Variants in DOCK9 observed in about 807,000 individuals in gnomAD.
DOCK9 encodes dedicator of cytokinesis protein 9.
Under a neutral mutation model 263.3 loss-of-function variants are expected in DOCK9, and 89 were observed. The observed-to-expected ratio is 0.34, with a 90% confidence interval of 0.28 to 0.40. The LOEUF (loss-of-function observed/expected upper bound fraction) is 0.40, where lower values mean the gene tolerates loss of function less well. Ranked by LOEUF, DOCK9 falls within the 10% of genes least tolerant of loss-of-function variation. The pLI is 1.00. For missense variants in DOCK9, 2,140 were observed against 2,603.4 expected, an observed-to-expected ratio of 0.82 and a Z score of 3.87; for synonymous variants, 976 against 973.1, an observed-to-expected ratio of 1.00 and a Z score of -0.06.
In DOCK9 at chr13:98,824,452, G is replaced by C. The variant is rs375560755; in HGVS notation, c.5076C>G (p.Asp1692Glu). ...CGTCTTCCATCATGGAGGCCTCCTC[G>C]TCGATGTTTGGGGTAATGACCCTGA... ...TAFRVITPNI[D>E]EEASMMEDVG... Residue 1692 changes from aspartate to glutamate, a missense_variant, in exon 45 of 53, where the codon GAC becomes GAG. Physicochemically the swap from Asp to Glu is conservative, Grantham distance 45. Around this residue, in one of 2 missense-constraint regions of DOCK9, gnomAD observed 619 missense variants for 861.8 expected, o/e 0.72. Coordinates refer to ENST00000682017, the MANE Select transcript of DOCK9 (RefSeq NM_001366683.2). 1.2e-6 allele frequency: 2 copies of C among 1,613,796 alleles called. No homozygotes were observed. Among genetic ancestry groups the C allele is most frequent in the Non-Finnish European group, 1.7e-6 (2 of 1,179,838 alleles).
At chr13:98,916,216 T>C (rs1476643956) in intron 7 of DOCK9, among the ~76,000 whole-genome samples, 1 of 152,208 alleles carries the variant, frequency 6.6e-6, no homozygotes, top group African/African-American at 2.4e-5. Context: ...CAATTCTTTG[T>C]TGTGAGTGGC....
At chr13:98,979,217 T>TAGC (rs1426596979), upstream of DOCK9, among the ~76,000 whole-genome samples, 8 of 128,416 alleles carry the variant, frequency 6.2e-5, no homozygotes, top group African/African-American at 2.1e-4. Context: ...GTAGTAGTAG[T>TAGC]AGTAGTAGTA....
chr13:98,961,192 G>C (rs548847416), intron 1 of DOCK9, among the ~76,000 whole-genome samples: 1 of 152,202 alleles, frequency 6.6e-6, no homozygotes, highest in Non-Finnish European at 1.5e-5. Context: ...TGCTTGGAGA[G>C]AGCAAAGAAG....
At position 98,971,490 on chromosome 13, in the gene DOCK9, G is replaced by A. The variant is rs1282423429; in HGVS notation, c.126+6294C>T. On this transcript the variant is annotated intron_variant, in intron 1 of 52. Coordinates refer to ENST00000682017, the MANE Select transcript of DOCK9 (RefSeq NM_001366683.2). Reference sequence around the variant, plus strand: ...TGGGAGGCCAAGGTGGGCGGATCACGAAATCAGGACATCGAGACCATCCTG... The same window carrying A: ...TGGGAGGCCAAGGTGGGCGGATCACAAAATCAGGACATCGAGACCATCCTG... 1.1e-4 allele frequency among the ~76,000 whole-genome samples: 7 copies of A among 65,046 alleles called. No individual in the cohort carries two copies. The Admixed American group carries it at 1.1e-3, about 11-fold the overall frequency. 42.7% of individuals were successfully genotyped at this position (65,046 alleles called of 152,430 possible). A position where few individuals can be genotyped will look rare whatever the true frequency, so the allele number is the denominator to read the frequency against.
At chr13:98,889,675 C>T (rs995234140) in intron 15 of DOCK9, among the ~76,000 whole-genome samples, 8 of 152,236 alleles carry the variant, frequency 5.3e-5, no homozygotes, top group African/African-American at 1.9e-4. Flanking sequence ...GAAACTTCTA[C>T]TCACCAAGGG....
intron 1 of DOCK9, among the ~76,000 whole-genome samples, chr13:99,014,380 C>T (rs1566300353): frequency 6.6e-6 from 1 of 152,208 alleles, no homozygotes; most frequent in Non-Finnish European, 1.5e-5. Context: ...CACTTAAATT[C>T]CAACATACAT....
At chr13:98,818,161 C>A (rs958132439) in intron 45 of DOCK9, among the ~76,000 whole-genome samples, 3 of 152,172 alleles carry the variant, frequency 2.0e-5, no homozygotes, top group African/African-American at 7.2e-5. Context: ...GATTACTGAA[C>A]ATTAAATCCT....
chr13:99,043,363 T>C (rs1290925401), intron 1 of DOCK9, among the ~76,000 whole-genome samples: 1 of 152,210 alleles, frequency 6.6e-6, no homozygotes, highest in Non-Finnish European at 1.5e-5. Flanking sequence ...GTAGGCTGCC[T>C]GAAGCCTGGG....
intron 27 of DOCK9, among the ~76,000 whole-genome samples, chr13:98,874,587 C>T (rs2094279840): frequency 6.6e-6 from 1 of 152,206 alleles, no homozygotes; most frequent in Non-Finnish European, 1.5e-5. Context: ...CCATCCTCAT[C>T]CTCAATCCCA....
chr13:99,061,144 C>G (rs1398793106), intron 1 of DOCK9, among the ~76,000 whole-genome samples: 1 of 152,176 alleles, frequency 6.6e-6, no homozygotes, highest in Non-Finnish European at 1.5e-5. Context: ...GACAGCTGCT[C>G]TATAAATGTT....
At chr13:98,966,717 T>C (rs2059233643) in intron 1 of DOCK9, among the ~76,000 whole-genome samples, 1 of 152,240 alleles carries the variant, frequency 6.6e-6, no homozygotes, top group African/African-American at 2.4e-5. Flanking sequence ...TCATAACACA[T>C]AGTTCACAAA....
intron 1 of DOCK9, among the ~76,000 whole-genome samples, chr13:99,006,774 A>C (rs1883409954): frequency 6.6e-6 from 1 of 152,204 alleles, no homozygotes; most frequent in African/African-American, 2.4e-5. Context: ...TAAATATAAA[A>C]GACAACAAAT....
intron 1 of DOCK9, among the ~76,000 whole-genome samples, chr13:99,010,991 A>G (rs1234431892): frequency 6.6e-6 from 1 of 152,158 alleles, no homozygotes; most frequent in Non-Finnish European, 1.5e-5. Flanking sequence ...TCCACCTCCC[A>G]GGTTCAAGTG....
chr13:98,987,350 G>C (rs1244399062), intron 1 of DOCK9, among the ~76,000 whole-genome samples: 1 of 151,768 alleles, frequency 6.6e-6, no homozygotes, highest in African/African-American at 2.4e-5. Context: ...CCTGAACAAA[G>C]AAAAAAACTC....
In DOCK9 at chr13:98,888,155, A is replaced by G; in HGVS notation, c.2043+3T>C. 6.3e-7 allele frequency: 1 copy of G among 1,585,328 alleles called. No homozygotes were observed. ...GGTGAACATATATTAAAAAAAAACA[A>G]ACCTTAAGGGGCTGAGAGTCTTCCT... On this transcript the variant is annotated splice_donor_region_variant and intron_variant, in intron 18 of 52. Coordinates refer to ENST00000682017, the MANE Select transcript of DOCK9 (RefSeq NM_001366683.2).
At chr13:98,876,873 T>C (rs1443555161) in intron 27 of DOCK9, among the ~76,000 whole-genome samples, 1 of 152,220 alleles carries the variant, frequency 6.6e-6, no homozygotes, top group African/African-American at 2.4e-5. Context: ...AAGCAGGTGT[T>C]TGTGAATCTC....
chr13:98,978,235 C>T (rs1362594848), upstream of DOCK9, among the ~76,000 whole-genome samples: 2 of 152,232 alleles, frequency 1.3e-5, no homozygotes, highest in Non-Finnish European at 2.9e-5. Flanking sequence ...TTCCACACAG[C>T]GTGGGCCAAA....
chr13:98,920,529 C>T (rs536741068), intron 7 of DOCK9, among the ~76,000 whole-genome samples: 56 of 142,264 alleles, frequency 3.9e-4, no homozygotes, highest in Middle Eastern at 7.8e-3. Context: ...ACTCAATCTG[C>T]GCTGAAACCT....
At position 98,863,032 on chromosome 13, in the gene DOCK9, A is replaced by G. The variant is rs1483949779; in HGVS notation, c.3566T>C (p.Val1189Ala). 6.2e-7 allele frequency: 1 copy of G among 1,608,184 alleles called. No individual in the cohort carries two copies. Among genetic ancestry groups the G allele is most frequent in the Non-Finnish European group, 8.5e-7 (1 of 1,177,474 alleles). Residue 1189 changes from valine (V) to alanine (A), a missense_variant, in exon 32 of 53, where the codon GTG becomes GCG. Val to Ala is a moderately conservative substitution (Grantham distance 64). Transcript: ENST00000682017. ...ATGCTTACGTACCATGCCCGCGTTC[A>G]CAGGGAAGGGTGACACATCCCTCAC... ...INVRDVSPFP[V>A]NAGMTVKDES...
Sources: gnomAD v4.1 joint callset for allele counts (sites outside exome capture counted in the v4.1 genomes callset) on GRCh38, gnomAD v4.1.1 for gene constraint, gnomAD v4.1.1 regional missense constraint, MANE v1.5 for transcripts, NCBI Gene and HGNC (gene_info 2026-07-23, HGNC 2026-07-21) for gene names.